NOS2: variants seen among roughly 807,000 people sequenced by gnomAD.
NOS2 encodes the protein nitric oxide synthase, inducible.
A neutral mutation model predicts 136.0 loss-of-function variants in NOS2; 96 were observed. That is an observed-to-expected ratio of 0.71 (90% CI 0.60 to 0.84). The LOEUF is 0.84. Among genes scored for constraint, NOS2 ranks in the 40% least tolerant of loss-of-function variants. The probability of loss-of-function intolerance (pLI) is 0.00; values close to 1 mark genes in which losing one functional copy is unlikely to be tolerated. For synonymous variants in NOS2, 539 were observed against 587.5 expected (o/e 0.92, Z 1.20); for missense variants, 1,237 against 1,496.9 (o/e 0.83, Z 2.87).
intron 5 of NOS2, among the ~76,000 whole-genome samples, chr17:27,786,171 C>A (rs1480534572): frequency 6.6e-6 from 1 of 151,646 alleles, no homozygotes; most frequent in Non-Finnish European, 1.5e-5. Context: ...GCCTGTAATC[C>A]CAGCACTTTG....
chr17:27,757,018 G>C lies in NOS2; in HGVS notation c.*228C>G, dbSNP rs533304299. On this transcript the variant is annotated 3_prime_UTR_variant, in exon 27 of 27. Coordinates refer to ENST00000313735, the MANE Select transcript of NOS2 (RefSeq NM_000625.4). ...CTGGCATTTAAGATTTTGTCTCCAA[G>C]GGACCAGGGAGGCCCCAGTTTGAGA... The C allele has an allele frequency of 2.2e-6, 1 of 450,650 alleles. No homozygotes were observed. Among genetic ancestry groups the C allele is most frequent in the South Asian group, 5.1e-5 (1 of 19,554 alleles). The allele number at this position is 450,650 out of a possible 1,614,324, so 27.9% of individuals were successfully genotyped here.
chr17:27,776,744 GAA>G (rs1421178429), intron 11 of NOS2, among the ~76,000 whole-genome samples: 1 of 149,652 alleles, frequency 6.7e-6, no homozygotes, highest in Non-Finnish European at 1.5e-5. Flanking sequence ...TAAACAGTAA[GAA>G]AATCATTGCT....
chr17:27,791,780 AACAAAACAAAACAAAAC>A (rs1567643059), intron 2 of NOS2, among the ~76,000 whole-genome samples: 1 of 124,268 alleles, frequency 8.0e-6, no homozygotes, highest in African/African-American at 2.8e-5. Flanking sequence ...AAAAAAACAA[AACAAAACAAAACAAAAC>A]AAAACAAAAA....
chr17:27,781,989 T>C (rs1908861173), intron 7 of NOS2, 26 bp downstream of exon 7: 1 of 1,605,798 alleles, frequency 6.2e-7, no homozygotes, highest in Non-Finnish European at 8.5e-7. Flanking sequence ...CAAGCCCCTC[T>C]GCAGCCCTGG....
Position 27,782,993 on chromosome 17 carries a change from C to G in NOS2, c.581G>C (p.Trp194Ser). Reference protein sequence around the residue: ...DELIFATKQAWRNAPRCIGRI... With the variant: ...DELIFATKQASRNAPRCIGRI... ...CCCAATGCAGCGTGGGGCATTGCGC[C>G]AGGCCTGCTTGGTGGCGAAGATGAG... Residue 194 changes from tryptophan to serine, a missense_variant, in exon 6 of 27, where the codon TGG (tryptophan) becomes TCG (serine). This residue lies in a region of NOS2 where 440 missense variants were observed against 545.4 expected (regional missense o/e 0.81). Coordinates refer to ENST00000313735, the MANE Select transcript of NOS2 (RefSeq NM_000625.4). 1 of 1,614,180 alleles carries G rather than the reference C, an allele frequency of 6.2e-7. No individual in the cohort carries two copies. The highest frequency in any genetic ancestry group is 1.3e-5 in the African/African-American group (1 of 75,056).
At chr17:27,775,938 C>T (rs1436458789) in intron 11 of NOS2, among the ~76,000 whole-genome samples, 1 of 152,230 alleles carries the variant, frequency 6.6e-6, no homozygotes, top group Non-Finnish European at 1.5e-5. Flanking sequence ...GGGAAAGACA[C>T]AGCCCTTTCT....
chr17:27,758,340 A>G (rs557626126), intron 26 of NOS2, among the ~76,000 whole-genome samples: 20 of 152,328 alleles, frequency 1.3e-4, no homozygotes, highest in African/African-American at 4.6e-4. Context: ...TGCCTCCCTC[A>G]TAAAGTCCTC....
chr17:27,761,230 A>G lies in NOS2; in HGVS notation c.2802T>C (p.Asp934=). 2 of 1,603,674 alleles carry G rather than the reference A, an allele frequency of 1.2e-6. No individual in the cohort carries two copies. Among genetic ancestry groups the G allele is most frequent in the East Asian group, 4.5e-5 (2 of 44,606 alleles). Residue 934 remains aspartate (D), a splice_region_variant and synonymous_variant, in exon 23 of 27, where the codon GAT becomes GAC. Coordinates refer to ENST00000313735, the MANE Select transcript of NOS2 (RefSeq NM_000625.4). The part of the protein sequence containing the change: ...TVAVVTYHTR[D]GQGPLHHGVC... ...CGCCGTGGTGCAGGGGACCCTGGCC[A>G]TCTGCAACGATACCACAAAGTGACC... is the stretch of plus-strand genomic sequence containing the variant.
chr17:27,781,215 C>A, intron 7 of NOS2, 38 bp from the exon 8 acceptor site: 2 of 1,575,670 alleles, frequency 1.3e-6, no homozygotes, highest in Non-Finnish European at 1.7e-6. Context: ...ACCACCTAGC[C>A]CTGGTGGGGG....
chr17:27,782,842 G>A, intron 6 of NOS2, 102 bp downstream of exon 6: 1 of 1,186,838 alleles, frequency 8.4e-7, no homozygotes, highest in Non-Finnish European at 1.2e-6. Flanking sequence ...CATGGCTTCA[G>A]TCCCAGGAGG....
intron 2 of NOS2, among the ~76,000 whole-genome samples, chr17:27,795,591 T>G (rs545348286): frequency 6.6e-6 from 1 of 152,322 alleles, no homozygotes; most frequent in East Asian, 1.9e-4. Context: ...GGCAGCCCCA[T>G]GCAGGGGTCC....
At chr17:27,796,108 A>C (rs571182881) in intron 2 of NOS2, among the ~76,000 whole-genome samples, 2 of 152,164 alleles carry the variant, frequency 1.3e-5, no homozygotes, top group East Asian at 3.8e-4. Flanking sequence ...TGGACAACAG[A>C]GCAAGATTCT....
intron 11 of NOS2, among the ~76,000 whole-genome samples, chr17:27,775,529 G>C (rs1908631082): frequency 6.6e-6 from 1 of 152,158 alleles, no homozygotes; most frequent in Non-Finnish European, 1.5e-5. Context: ...TTGAACCCGG[G>C]AGGCGGAGGT....
At position 27,757,137 on chromosome 17, in the gene NOS2, G is replaced by A; in HGVS notation, c.*109C>T. On this transcript the variant is annotated 3_prime_UTR_variant, in exon 27 of 27. Transcript: ENST00000313735. Reference sequence around the variant, plus strand: ...CGTTGAGGAAATAAGACTTGAGGCTGGGGGATATCACTTTCCTCCATCTCC... The same window carrying A: ...CGTTGAGGAAATAAGACTTGAGGCTAGGGGATATCACTTTCCTCCATCTCC... 1 of 792,218 alleles carries A rather than the reference G, an allele frequency of 1.3e-6. No homozygotes were observed. Among genetic ancestry groups the A allele is most frequent in the South Asian group, 1.8e-5 (1 of 57,042 alleles). 49.1% of individuals were successfully genotyped at this position (792,218 alleles called of 1,614,324 possible).
chr17:27,789,623 G>A lies in NOS2; in HGVS notation c.176C>T (p.Pro59Leu), dbSNP rs1038729088. The A allele has an allele frequency of 1.9e-6, 3 of 1,613,868 alleles. No homozygotes were observed. The highest frequency in any genetic ancestry group is 2.2e-5 in the East Asian group (1 of 44,884). The change falls in exon 3 of 27, where the codon CCC (proline) becomes CTC (leucine). Residue 59 changes from proline to leucine, a missense_variant. Pro to Leu is a moderately conservative substitution (Grantham distance 98). Coordinates refer to ENST00000313735, the MANE Select transcript of NOS2 (RefSeq NM_000625.4). ...LSKQQNESPQ[P>L]LVETGKKSPE... ...ACTGACCTTTCCCGTCTCCACGAGG[G>A]GCTGCGGGGACTCATTCTGCTGCTT...
intron 25 of NOS2, among the ~76,000 whole-genome samples, chr17:27,759,348 C>T (rs1282864339): frequency 6.6e-6 from 1 of 152,194 alleles, no homozygotes; most frequent in Non-Finnish European, 1.5e-5. Context: ...CTGAATTTGC[C>T]ATGCTTCAAA....
In NOS2 at chr17:27,757,031, C is replaced by A; in HGVS notation, c.*215G>T. The A allele has an allele frequency of 4.3e-6, 2 of 463,380 alleles. No homozygotes were observed. The highest frequency in any genetic ancestry group is 9.1e-5 in the South Asian group (2 of 21,948). 28.7% of individuals were successfully genotyped at this position (463,380 alleles called of 1,614,324 possible). On this transcript the variant is annotated 3_prime_UTR_variant, in exon 27 of 27. Coordinates refer to ENST00000313735, the MANE Select transcript of NOS2 (RefSeq NM_000625.4). The stretch of plus-strand genomic sequence containing the variant: ...TTTTGTCTCCAAGGGACCAGGGAGG[C>A]CCCAGTTTGAGAGAGGAGGCTCCGA...
At chr17:27,787,609 G>T in intron 5 of NOS2, 69 bp downstream of exon 5, 1 of 1,181,132 alleles carries the variant, frequency 8.5e-7, no homozygotes, top group Non-Finnish European at 1.2e-6. Context: ...GGATCAGAGG[G>T]TGATGGGTAG....
chr17:27,780,116 G>A (rs1434348138), intron 9 of NOS2, among the ~76,000 whole-genome samples: 1 of 152,210 alleles, frequency 6.6e-6, no homozygotes, highest in East Asian at 1.9e-4. Flanking sequence ...TGGTCAGAGA[G>A]CCTTCTCAGA....
Sources: allele counts gnomAD v4.1 joint callset (sites outside exome capture counted in the v4.1 genomes callset), GRCh38; gene constraint gnomAD v4.1.1; regional missense constraint gnomAD v4.1.1; transcripts MANE v1.5; gene names NCBI Gene and HGNC (gene_info 2026-07-23, HGNC 2026-07-21).